Variants in TMEM135 observed in about 807,000 individuals in gnomAD.
TMEM135 encodes transmembrane protein 135.
In TMEM135, 30 loss-of-function variants were observed where a neutral mutation model predicts 60.3. The observed-to-expected ratio is 0.50, with a 90% CI of 0.37 to 0.68. The LOEUF is 0.68. TMEM135 is among the 30% of genes least tolerant of loss of function. TMEM135 has a pLI of 0.00. For missense variants in TMEM135, 468 were observed against 548.8 expected (o/e 0.85, Z 1.47); for synonymous variants, 190 against 186.7 (o/e 1.02, Z -0.14).
At chr11:87,226,368 A>G (rs1391419241) in intron 5 of TMEM135, among the ~76,000 whole-genome samples, 2 of 152,034 alleles carry the variant, frequency 1.3e-5, no homozygotes, top group African/African-American at 4.8e-5. Context: ...TTGTTATTTG[A>G]CCATTGAATT....
chr11:87,271,018 G>A (rs561607183), intron 6 of TMEM135, among the ~76,000 whole-genome samples: 6 of 151,840 alleles, frequency 4.0e-5, no homozygotes, highest in South Asian at 4.2e-4. Context: ...AGGAACACCC[G>A]AATAAATCAT....
intron 5 of TMEM135, among the ~76,000 whole-genome samples, chr11:87,224,850 T>C (rs900344756): frequency 3.3e-5 from 5 of 151,850 alleles, no homozygotes; most frequent in Non-Finnish European, 7.4e-5. Context: ...TATAAACACA[T>C]TGAAAAGCTT....
intron 4 of TMEM135, 125 bp from the exon 5 acceptor site, chr11:87,157,216 C>G (rs565801971): frequency 1.2e-6 from 1 of 854,904 alleles, no homozygotes; most frequent in Admixed American, 2.2e-5. Flanking sequence ...ACTTATTGAT[C>G]GTTCTCTAGA....
intron 4 of TMEM135, among the ~76,000 whole-genome samples, chr11:87,110,845 C>A (rs964399400): frequency 3.3e-5 from 5 of 151,974 alleles, no homozygotes; most frequent in Non-Finnish European, 7.4e-5. Flanking sequence ...TTAAAAATTA[C>A]AGGCATTATA....
At chr11:87,244,459 C>T (rs186898593) in intron 6 of TMEM135, among the ~76,000 whole-genome samples, 5,200 of 94,154 alleles carry the variant, frequency 0.055, 650 homozygotes, top group Non-Finnish European at 0.079. Flanking sequence ...TGGTAGAATT[C>T]GGCTGTGAAT....
intron 4 of TMEM135, among the ~76,000 whole-genome samples, chr11:87,134,199 A>C (rs955156695): frequency 6.6e-6 from 1 of 152,026 alleles, no homozygotes; most frequent in African/African-American, 2.4e-5. Flanking sequence ...TAGCTTGTAG[A>C]TGGCTGTTTT....
rs1942862064 is a variant in TMEM135, at chr11:87,323,492, CATT to C, written c.*2162_*2164del. On this transcript the variant is annotated 3_prime_UTR_variant, in exon 15 of 15. Transcript: ENST00000305494. ...CAGGTATTGATTGACAACTTTTTGGCATTATAAATAAAGTAAAATAGATCTCTG... is the reference window on the plus strand; with the variant it reads ...CAGGTATTGATTGACAACTTTTTGGCATAAATAAAGTAAAATAGATCTCTG... 2.2e-6 allele frequency: 1 copy of C among 453,776 alleles called. No homozygotes were observed. Among genetic ancestry groups the C allele is most frequent in the South Asian group, 1.6e-5 (1 of 64,460 alleles). 28.1% of individuals were successfully genotyped at this position (453,776 alleles called of 1,614,324 possible).
chr11:87,252,769 C>G (rs1393651837), intron 6 of TMEM135, among the ~76,000 whole-genome samples: 2 of 111,852 alleles, frequency 1.8e-5, no homozygotes, highest in Non-Finnish European at 3.7e-5. Flanking sequence ...AGAACTAAAT[C>G]TCAAAAAAAA....
chr11:87,200,119 T>G (rs1940061376), intron 5 of TMEM135, among the ~76,000 whole-genome samples: 1 of 152,168 alleles, frequency 6.6e-6, no homozygotes, highest in African/African-American at 2.4e-5. Context: ...TATTAGTAAT[T>G]TTCACTCAAT....
intron 5 of TMEM135, among the ~76,000 whole-genome samples, chr11:87,170,274 A>T (rs1265140892): frequency 2.6e-5 from 4 of 152,062 alleles, no homozygotes; most frequent in African/African-American, 9.7e-5. Flanking sequence ...CCACCTTCTG[A>T]AGCCTATTTC....
At chr11:87,111,605 C>A (rs577658018) in intron 4 of TMEM135, among the ~76,000 whole-genome samples, 1 of 147,568 alleles carries the variant, frequency 6.8e-6, no homozygotes, top group Admixed American at 6.8e-5. Context: ...GAGCTGAGAT[C>A]GCACCACTGC....
At chr11:87,133,382 C>T (rs1937993180) in intron 4 of TMEM135, among the ~76,000 whole-genome samples, 1 of 152,098 alleles carries the variant, frequency 6.6e-6, no homozygotes, top group Non-Finnish European at 1.5e-5. Flanking sequence ...TCTTCATGCT[C>T]CTTGGTAAGT....
intron 5 of TMEM135, among the ~76,000 whole-genome samples, chr11:87,202,002 TATGTTATGTA>T (rs759839166): frequency 0.24 from 22,602 of 95,756 alleles, 2,042 homozygotes; most frequent in East Asian, 0.31. Flanking sequence ...TATGTTATGT[TATGTTATGTA>T]ATGTTATGTT....
rs1393445014 is a variant in TMEM135, at chr11:87,157,074, G to T, written c.397-267G>T. 0.022 allele frequency among the ~76,000 whole-genome samples: 3,006 copies of T among 137,852 alleles called. 34 individuals are homozygous for T. Among genetic ancestry groups the T allele is most frequent in the South Asian group, 0.035 (153 of 4,370 alleles). 90.4% of individuals were successfully genotyped at this position (137,852 alleles called of 152,430 possible). On this transcript the variant is annotated intron_variant, in intron 4 of 14. Coordinates refer to ENST00000305494, the MANE Select transcript of TMEM135 (RefSeq NM_022918.4). The stretch of plus-strand genomic sequence containing the variant: ...TTTCTTTTCTTTCTTTCTTTCTTTT[G>T]TTTTTTTTTTTTTTTAGACAGGGTC...
rs1333548422 is a variant in TMEM135, at chr11:87,323,415, CTT to C, written c.*2084_*2085del. 1.1e-5 allele frequency: 5 copies of C among 453,786 alleles called. No individual in the cohort carries two copies. The highest frequency in any genetic ancestry group is 8.0e-5 in the African/African-American group (4 of 49,954). The allele number at this position is 453,786 out of a possible 1,614,324, so 28.1% of individuals were successfully genotyped here. On this transcript the variant is annotated 3_prime_UTR_variant, in exon 15 of 15. Transcript: ENST00000305494. ...AGTTGTTTGAGCAAACACAAAGAAA[CTT>C]TGTGTTTTTGAAGACAATCAGAATG...
At chr11:87,162,158 CAATT>C (rs1039386861) in intron 5 of TMEM135, among the ~76,000 whole-genome samples, 6 of 151,534 alleles carry the variant, frequency 4.0e-5, no homozygotes, top group African/African-American at 1.2e-4. Flanking sequence ...AAGTGGGGTT[CAATT>C]AATTCAGAAG....
chr11:87,272,145 C>G (rs1941880552), intron 6 of TMEM135, among the ~76,000 whole-genome samples: 1 of 150,272 alleles, frequency 6.7e-6, no homozygotes. Context: ...CCTCCCCCTC[C>G]CTGGTTCCAG....
At chr11:87,059,175 G>A (rs796373495) in intron 1 of TMEM135, among the ~76,000 whole-genome samples, 26 of 152,058 alleles carry the variant, frequency 1.7e-4, no homozygotes, top group African/African-American at 6.0e-4. Flanking sequence ...GACCTCAGGC[G>A]ATCCACCTGC....
intron 3 of TMEM135, among the ~76,000 whole-genome samples, chr11:87,085,860 C>T (rs1857085326): frequency 1.3e-5 from 2 of 152,180 alleles, no homozygotes; most frequent in Admixed American, 1.3e-4. Flanking sequence ...TGAACTGACT[C>T]TGAATTCCAG....
Sources: allele counts gnomAD v4.1 joint callset (sites outside exome capture counted in the v4.1 genomes callset), GRCh38; gene constraint gnomAD v4.1.1; transcripts MANE v1.5; gene names NCBI Gene and HGNC (gene_info 2026-07-23, HGNC 2026-07-21).